The following GNG7 variants were observed in gnomAD, a reference collection of about 807,000 sequenced individuals.
GNG7 encodes the protein guanine nucleotide-binding protein G(I)/G(S)/G(O) subunit gamma-7.
Under a neutral mutation model 4.0 loss-of-function variants are expected in GNG7, and 1 was observed. The ratio of observed to expected loss-of-function variants is 0.25; its 90% CI spans 0.09 to 1.18. The LOEUF is 1.18. Among genes scored for constraint, GNG7 ranks in the 50% most tolerant of loss-of-function variants. The probability of loss-of-function intolerance (pLI) is 0.50; values close to 1 mark genes in which losing one functional copy is unlikely to be tolerated. For synonymous variants in GNG7, 34 were observed against 36.9 expected (o/e 0.92, Z 0.29); for missense variants, 86 against 91.9 (o/e 0.94, Z 0.26).
intron 1 of GNG7, among the ~76,000 whole-genome samples, chr19:2,687,386 G>A (rs1983898225): frequency 6.6e-6 from 1 of 152,050 alleles, no homozygotes; most frequent in Admixed American, 6.5e-5. Context: ...GGAGGCCGAG[G>A]CGGGTGGATC....
intron 1 of GNG7, among the ~76,000 whole-genome samples, chr19:2,686,173 T>C (rs1441008688): frequency 1.3e-5 from 2 of 151,880 alleles, no homozygotes; most frequent in Non-Finnish European, 2.9e-5. Flanking sequence ...TTTTTTTTTT[T>C]TTGAGACAGA....
Position 2,618,252 on chromosome 19 carries a change from C to G in GNG7, c.-78+27972G>C, listed in dbSNP as rs1212826407. Among the ~76,000 whole-genome samples the G allele has an allele frequency of 1.3e-5, 2 of 152,152 alleles. No individual in the cohort carries two copies. The highest frequency in any genetic ancestry group is 4.1e-4 in the South Asian group (2 of 4,826). ...CCATCTTGCCCAAATCCCTGCCAACCCCAGGGCACTGAGGACACAGATTAC... is the reference window on the plus strand; with the variant it reads ...CCATCTTGCCCAAATCCCTGCCAACGCCAGGGCACTGAGGACACAGATTAC... On this transcript the variant is annotated intron_variant, in intron 2 of 4. Coordinates refer to ENST00000382159, the MANE Select transcript of GNG7 (RefSeq NM_052847.3). The surrounding 1 kb of genome is among the most constrained non-coding windows in gnomAD (Gnocchi z 5.1).
At chr19:2,594,157 G>A (rs1213238737) in intron 2 of GNG7, among the ~76,000 whole-genome samples, 1 of 152,060 alleles carries the variant, frequency 6.6e-6, no homozygotes, top group African/African-American at 2.4e-5. Context: ...GATCACCTGA[G>A]CTCAGGAGTT....
At chr19:2,673,538 C>A (rs2144891352) in intron 1 of GNG7, among the ~76,000 whole-genome samples, 1 of 151,596 alleles carries the variant, frequency 6.6e-6, no homozygotes, top group East Asian at 2.0e-4. Flanking sequence ...ATTAAAAATA[C>A]AAAAATTAGC....
At chr19:2,660,840 A>G (rs1159853249) in intron 1 of GNG7, among the ~76,000 whole-genome samples, 1 of 152,024 alleles carries the variant, frequency 6.6e-6, no homozygotes, top group African/African-American at 2.4e-5. Flanking sequence ...TTCTTGGGTC[A>G]TGTGTTCTGG....
At position 2,611,007 on chromosome 19, in the gene GNG7, G is replaced by GC. The variant is rs1208945055; in HGVS notation, c.-78+35216_-78+35217insG. The GC allele has an allele frequency of 3.8e-5, 4 of 106,294 alleles. No homozygotes were observed. The East Asian group carries it at 7.6e-4, about 20-fold the overall frequency. The allele number at this position is 106,294 out of a possible 1,614,324, so 6.6% of individuals were successfully genotyped here. A position where few individuals can be genotyped will look rare whatever the true frequency, so the allele number is the denominator to read the frequency against. ...GAACGGGCTCACGTGCCAGGCTCGG[G>GC]GGGGGGGAAGCGTCCTCAACATTCT... On this transcript the variant is annotated intron_variant, in intron 2 of 4. Transcript: ENST00000382159. This position sits in a 1 kb window ranked among gnomAD's most constrained non-coding sequence, Gnocchi z 6.0.
chr19:2,572,160 C>A (rs1458084502), intron 2 of GNG7, among the ~76,000 whole-genome samples: 1 of 150,142 alleles, frequency 6.7e-6, no homozygotes, highest in African/African-American at 2.5e-5. Flanking sequence ...TGGCTGGGAC[C>A]ACAGGGGCAC....
chr19:2,587,141 G>A (rs892921468), intron 2 of GNG7, among the ~76,000 whole-genome samples: 9 of 152,104 alleles, frequency 5.9e-5, no homozygotes, highest in African/African-American at 1.9e-4. Flanking sequence ...CCGCAGGTTA[G>A]GACCCCTGGG....
At chr19:2,527,784 C>CG (rs1978456482) in intron 3 of GNG7, among the ~76,000 whole-genome samples, 1 of 151,788 alleles carries the variant, frequency 6.6e-6, no homozygotes, top group Non-Finnish European at 1.5e-5. Context: ...ACCCCCCCCC[C>CG]CACCAGTGCG....
intron 2 of GNG7, among the ~76,000 whole-genome samples, chr19:2,582,727 A>G (rs73522569): frequency 0.39 from 54,524 of 140,054 alleles, 11,899 homozygotes; most frequent in African/African-American, 0.61. Context: ...GGAGTGCAGT[A>G]ACTTGATCTT....
rs202041554 is a variant in GNG7 at position 2,592,876 on chromosome 19, AAAAG to A, written c.-77-37692_-77-37689del. ...AGAGGCAGGGGAGAGGAGAAGGAAA[AAAAG>A]AAAGAAGAAAACGAAGGAAGGAAGG... On this transcript the variant is annotated intron_variant, in intron 2 of 4. Transcript: ENST00000382159. Among the ~76,000 whole-genome samples, 629 of 146,186 alleles carry A rather than the reference AAAAG, an allele frequency of 4.3e-3. 4 individuals carry two copies. Among genetic ancestry groups the A allele is most frequent in the African/African-American group, 0.015 (599 of 39,074 alleles).
At position 2,546,814 on chromosome 19, in the gene GNG7, G is replaced by C. The variant is rs570434904; in HGVS notation, c.-38+8335C>G. 1.3e-5 allele frequency among the ~76,000 whole-genome samples: 2 copies of C among 152,268 alleles called. No homozygotes were observed. The highest frequency in any genetic ancestry group is 4.8e-5 in the African/African-American group (2 of 41,556). On this transcript the variant is annotated intron_variant, in intron 3 of 4. Transcript: ENST00000382159. This position sits in a 1 kb window ranked among gnomAD's most constrained non-coding sequence, Gnocchi z 6.3. ...GGCGGTGGGGTCGGCGGGGGCGGGG[G>C]ATGACCACGGTCATGTGAGAGTTTG...
In GNG7 at chr19:2,513,299, G is replaced by T; in HGVS notation, c.*1723C>A. On this transcript the variant is annotated 3_prime_UTR_variant, in exon 5 of 5. Transcript: ENST00000382159. ...GGGTTCTTAGACGCCTGTCTCCACTGGGGCCGGAGGGACAGGACTAGGCTA... is the reference window on the plus strand; with the variant it reads ...GGGTTCTTAGACGCCTGTCTCCACTTGGGCCGGAGGGACAGGACTAGGCTA... 3.1e-6 allele frequency: 1 copy of T among 324,412 alleles called. No individual in the cohort carries two copies. Among genetic ancestry groups the T allele is most frequent in the Non-Finnish European group, 4.4e-6 (1 of 225,656 alleles). 20.1% of individuals were successfully genotyped at this position (324,412 alleles called of 1,614,324 possible).
rs1056342963 is a variant in GNG7, at chr19:2,520,730, G to C, written c.-37-5C>G. On this transcript the variant is annotated splice_polypyrimidine_tract_variant and splice_region_variant and intron_variant, in intron 3 of 4. Transcript: ENST00000382159. The stretch of plus-strand genomic sequence containing the variant: ...TGGGCCCCGTTGTTCAGAGAGCTGT[G>C]GGGGAAGCAGAGGGGTGTGGGTCAA... 3.2e-5 allele frequency: 39 copies of C among 1,217,286 alleles called. No homozygotes were observed. The African/African-American group carries it at 4.4e-4, about 14-fold the overall frequency. The allele number at this position is 1,217,286 out of a possible 1,614,324, so 75.4% of individuals were successfully genotyped here.
chr19:2,525,709 T>A (rs2144732683), intron 3 of GNG7, among the ~76,000 whole-genome samples: 1 of 152,118 alleles, frequency 6.6e-6, no homozygotes, highest in South Asian at 2.1e-4. Flanking sequence ...CCGGCAGTTA[T>A]CCCGAGGGCA....
intron 2 of GNG7, chr19:2,643,090 C>A: frequency 2.2e-6 from 1 of 447,798 alleles, no homozygotes; most frequent in Non-Finnish European, 4.5e-6. Flanking sequence ...CGCCTTGCGC[C>A]ATTGGCACCG....
At chr19:2,681,045 G>C (rs1352824781) in intron 1 of GNG7, among the ~76,000 whole-genome samples, 1 of 152,104 alleles carries the variant, frequency 6.6e-6, no homozygotes, top group African/African-American at 2.4e-5. Context: ...GACTGACGCG[G>C]AGCATGTTTT....
At chr19:2,591,813 A>G (rs1980858428) in intron 2 of GNG7, among the ~76,000 whole-genome samples, 2 of 152,210 alleles carry the variant, frequency 1.3e-5, no homozygotes, top group Admixed American at 1.3e-4. Context: ...AGATACTAAC[A>G]ATCAGAAAAG....
At chr19:2,543,963 C>T (rs1979045664) in intron 3 of GNG7, among the ~76,000 whole-genome samples, 2 of 152,176 alleles carry the variant, frequency 1.3e-5, no homozygotes, top group Non-Finnish European at 2.9e-5. Flanking sequence ...GGACTCTTTC[C>T]TCCTGGGGGT....
Sources: gnomAD v4.1 joint callset for allele counts (sites outside exome capture counted in the v4.1 genomes callset) on GRCh38, gnomAD v4.1.1 for gene constraint, Gnocchi (gnomAD v3.1) non-coding constraint, MANE v1.5 for transcripts, NCBI Gene and HGNC (gene_info 2026-07-23, HGNC 2026-07-21) for gene names.